Variants in SKAP2 observed in about 807,000 individuals in gnomAD.
SKAP2 encodes src kinase associated phosphoprotein 2, also known as src kinase-associated phosphoprotein 2.
SKAP2 carries 28 observed loss-of-function variants against 54.9 expected under a neutral mutation model. The ratio of observed to expected loss-of-function variants is 0.51; its 90% CI spans 0.38 to 0.70. The LOEUF is 0.70. SKAP2 is among the 30% of genes least tolerant of loss of function. SKAP2 has a pLI of 0.00. For synonymous variants in SKAP2, 137 were observed against 134.3 expected (o/e 1.02, Z -0.14); for missense variants, 356 against 424.1 (o/e 0.84, Z 1.41).
chr7:26,695,207 T>A (rs1218974500), intron 9 of SKAP2, among the ~76,000 whole-genome samples: 1 of 152,200 alleles, frequency 6.6e-6, no homozygotes, highest in African/African-American at 2.4e-5. Context: ...TAAATTATAA[T>A]GTACTTTAAA....
chr7:26,748,314 TAG>T (rs1277522278), intron 4 of SKAP2, among the ~76,000 whole-genome samples: 2 of 152,310 alleles, frequency 1.3e-5, no homozygotes, highest in East Asian at 3.9e-4. Flanking sequence ...CTAAAAATTC[TAG>T]AGTTATTAAT....
the SKAP2 span, among the ~76,000 whole-genome samples, chr7:26,658,834 C>G: frequency 7.4e-3 from 1,087 of 146,336 alleles, 16 homozygotes; most frequent in African/African-American, 0.026. Context: ...CCCCCCACCC[C>G]CCCACCAACT....
At chr7:26,765,858 T>C (rs1453458950) in intron 4 of SKAP2, among the ~76,000 whole-genome samples, 1 of 152,212 alleles carries the variant, frequency 6.6e-6, no homozygotes, top group South Asian at 2.1e-4. Context: ...ACCATGCTGT[T>C]TGGGTTACCA....
At chr7:26,726,136 A>ATT in intron 7 of SKAP2, 150 bp from the exon 8 acceptor site, 1 of 559,990 alleles carries the variant, frequency 1.8e-6, no homozygotes, top group Non-Finnish European at 3.1e-6. Context: ...TGTACAGTTA[A>ATT]TTTTGACAAA....
intron 1 of SKAP2, 70 bp from the exon 2 acceptor site, chr7:26,854,960 C>A: frequency 9.2e-7 from 1 of 1,084,228 alleles, no homozygotes. Context: ...ATAAATAGGA[C>A]AATGATTGTT....
At chr7:26,797,865 A>G (rs1418800428) in intron 4 of SKAP2, among the ~76,000 whole-genome samples, 1 of 151,972 alleles carries the variant, frequency 6.6e-6, no homozygotes, top group East Asian at 1.9e-4. Flanking sequence ...GAAGTTCTGG[A>G]GCTGAAAAAT....
intron 3 of SKAP2, among the ~76,000 whole-genome samples, chr7:26,849,243 C>T (rs527822368): frequency 1.3e-5 from 2 of 152,222 alleles, no homozygotes; most frequent in South Asian, 4.2e-4. Context: ...AAACTGCTTT[C>T]TAAGTAAATC....
intron 4 of SKAP2, among the ~76,000 whole-genome samples, chr7:26,777,090 A>G (rs1407001226): frequency 6.6e-6 from 1 of 152,188 alleles, no homozygotes; most frequent in Non-Finnish European, 1.5e-5. Context: ...AATTGGTTTA[A>G]TATTCAGAGG....
chr7:26,771,097 T>C (rs1443674143), intron 4 of SKAP2, among the ~76,000 whole-genome samples: 1 of 152,258 alleles, frequency 6.6e-6, no homozygotes, highest in Non-Finnish European at 1.5e-5. Context: ...TTATTGTTTA[T>C]ATTAGACGGT....
At chr7:26,761,183 T>C (rs1317695027) in intron 4 of SKAP2, among the ~76,000 whole-genome samples, 2 of 152,180 alleles carry the variant, frequency 1.3e-5, no homozygotes, top group Non-Finnish European at 2.9e-5. Flanking sequence ...CTAATTCAAT[T>C]ATTTGTAGCA....
At chr7:26,724,264 A>G (rs1362384546) in intron 9 of SKAP2, among the ~76,000 whole-genome samples, 2 of 152,184 alleles carry the variant, frequency 1.3e-5, no homozygotes, top group African/African-American at 4.8e-5. Context: ...ATACAATAAT[A>G]AAACAAAAAT....
chr7:26,658,831 C>T, the SKAP2 span, among the ~76,000 whole-genome samples: 3 of 143,570 alleles, frequency 2.1e-5, no homozygotes, highest in Non-Finnish European at 4.6e-5. Context: ...CCACCCCCCA[C>T]CCCCCCACCA....
At chr7:26,833,461 T>C (rs1048944849) in intron 4 of SKAP2, among the ~76,000 whole-genome samples, 1 of 149,958 alleles carries the variant, frequency 6.7e-6, no homozygotes, top group East Asian at 1.9e-4. Context: ...ATAGGTGTGC[T>C]GTATTCAGGA....
rs1181043865 is a variant in SKAP2 at position 26,740,057 on chromosome 7, A to G, written c.308-93T>C. 7.0e-6 allele frequency: 5 copies of G among 719,384 alleles called. No homozygotes were observed. The African/African-American group carries it at 9.0e-5, about 13-fold the overall frequency. The allele number at this position is 719,384 out of a possible 1,614,324, so 44.6% of individuals were successfully genotyped here. On this transcript the variant is annotated intron_variant, in intron 4 of 12. Coordinates refer to ENST00000345317, the MANE Select transcript of SKAP2 (RefSeq NM_003930.5). ...ATCTCATTAGATTCAGTGTGCTTTTAATTACTGAAATTGTTTAAATCTAAG... is the reference window on the plus strand; with the variant it reads ...ATCTCATTAGATTCAGTGTGCTTTTGATTACTGAAATTGTTTAAATCTAAG...
intron 1 of SKAP2, among the ~76,000 whole-genome samples, chr7:26,859,721 T>C (rs929791224): frequency 6.6e-6 from 1 of 152,210 alleles, no homozygotes; most frequent in Non-Finnish European, 1.5e-5. Flanking sequence ...ATAATCAAAA[T>C]CTTTTTACTA....
intron 9 of SKAP2, among the ~76,000 whole-genome samples, chr7:26,720,051 A>AACACACACAC (rs57945020): frequency 3.8e-4 from 54 of 141,816 alleles, no homozygotes; most frequent in African/African-American, 1.2e-3. Context: ...ACATATCTGT[A>AACACACACAC]ACACACACAC....
At chr7:26,773,354 T>C (rs1040072260) in intron 4 of SKAP2, among the ~76,000 whole-genome samples, 1 of 152,394 alleles carries the variant, frequency 6.6e-6, no homozygotes, top group East Asian at 1.9e-4. Context: ...CTTCTGAGGA[T>C]GAAGGCAAGA....
At chr7:26,721,536 AT>A (rs200511200) in intron 9 of SKAP2, among the ~76,000 whole-genome samples, 6 of 152,208 alleles carry the variant, frequency 3.9e-5, no homozygotes, top group Admixed American at 6.5e-5. Flanking sequence ...TGTCATTGTA[AT>A]TTAAAAAAAA....
At chr7:26,691,206 C>T (rs1786772586) in intron 9 of SKAP2, among the ~76,000 whole-genome samples, 1 of 152,096 alleles carries the variant, frequency 6.6e-6, no homozygotes, top group Admixed American at 6.5e-5. Flanking sequence ...CCACACTCAC[C>T]TATACCATTC....
Sources: gnomAD v4.1 joint callset for allele counts (sites outside exome capture counted in the v4.1 genomes callset) on GRCh38, gnomAD v4.1.1 for gene constraint, MANE v1.5 for transcripts, NCBI Gene and HGNC (gene_info 2026-07-23, HGNC 2026-07-21) for gene names.